Variants in KAZN observed in about 807,000 individuals in gnomAD.
The protein encoded by KAZN is kazrin, periplakin interacting protein.
A neutral mutation model predicts 87.4 loss-of-function variants in KAZN; 40 were observed. The observed-to-expected ratio is 0.46, with a 90% CI of 0.36 to 0.60. KAZN has a LOEUF of 0.60. KAZN is among the 20% of genes least tolerant of loss of function. The pLI, the probability that KAZN is intolerant of heterozygous loss-of-function variation, is 0.00. For synonymous variants in KAZN, 466 were observed against 458.3 expected, an observed-to-expected ratio of 1.02 and a Z score of -0.22; for missense variants, 898 against 1,073.9, an observed-to-expected ratio of 0.84 and a Z score of 2.29.
intron 1 of KAZN, among the ~76,000 whole-genome samples, chr1:14,004,940 G>A (rs886328408): frequency 6.6e-6 from 1 of 152,014 alleles, no homozygotes; most frequent in Non-Finnish European, 1.5e-5. Flanking sequence ...TCAGCCCCTC[G>A]CCACCCGATG....
intron 3 of KAZN, among the ~76,000 whole-genome samples, chr1:15,039,227 T>TCC (rs34582207): frequency 2.0e-5 from 3 of 151,866 alleles, no homozygotes; most frequent in Admixed American, 6.6e-5. Flanking sequence ...TTGTCCCCAT[T>TCC]CCCCCCATTT....
intron 2 of KAZN, among the ~76,000 whole-genome samples, chr1:15,011,317 G>A (rs1219810419): frequency 6.6e-6 from 1 of 152,202 alleles, no homozygotes; most frequent in Non-Finnish European, 1.5e-5. Context: ...AGGGCTCCTG[G>A]CTGGATTGAA....
chr1:14,010,318 T>C (rs908126011), intron 1 of KAZN, among the ~76,000 whole-genome samples: 5 of 152,230 alleles, frequency 3.3e-5, no homozygotes, highest in African/African-American at 9.6e-5. Context: ...GTGTTACAAA[T>C]GATACATCAT....
rs549407813 is a variant in KAZN, at chr1:13,945,262, T to C, written c.91+51506T>C. Among the ~76,000 whole-genome samples, 429 of 151,988 alleles carry C rather than the reference T, an allele frequency of 2.8e-3. 2 individuals carry two copies. Among genetic ancestry groups the C allele is most frequent in the Middle Eastern group, 0.02 (6 of 294 alleles). ...GTCGAGGCAGATGGATCACCTGAGG[T>C]AAGAAGTTCGAGACCAGCCTGGCCA... is the stretch of plus-strand genomic sequence containing the variant. On this transcript the variant is annotated intron_variant, in intron 1 of 16. Transcript: ENST00000636203.
rs1553174046 is a variant in KAZN at position 13,923,588 on chromosome 1, A to AAAAAAAG, written c.91+29836_91+29837insAAGAAAA. Among the ~76,000 whole-genome samples, 7 of 139,876 alleles carry AAAAAAAG rather than the reference A, an allele frequency of 5.0e-5. 1 individual carries two copies. Among genetic ancestry groups the AAAAAAAG allele is most frequent in the African/African-American group, 8.4e-5 (3 of 35,630 alleles). The allele number at this position is 139,876 out of a possible 152,430, so 91.8% of individuals were successfully genotyped here. A position where few individuals can be genotyped will look rare whatever the true frequency, so the allele number is the denominator to read the frequency against. ...ACTCCATCTCAAAAAAAAAAAAAAA[A>AAAAAAAG]AAAATATAATTACTGTTTGTTAAGT... is the stretch of plus-strand genomic sequence containing the variant. On this transcript the variant is annotated intron_variant, in intron 1 of 16. Coordinates refer to the KAZN transcript ENST00000636203.
At chr1:14,306,387 AG>A (rs1410271891) in intron 2 of KAZN, among the ~76,000 whole-genome samples, 14 of 152,190 alleles carry the variant, frequency 9.2e-5, no homozygotes, top group African/African-American at 3.1e-4. Flanking sequence ...CTTACCACTC[AG>A]GGCCAATGTG....
At chr1:14,049,775 TAGTG>T (rs1557432816) in intron 1 of KAZN, among the ~76,000 whole-genome samples, 2 of 152,130 alleles carry the variant, frequency 1.3e-5, no homozygotes, top group African/African-American at 2.4e-5. Context: ...ACTGGGGTGA[TAGTG>T]AGGGAAACCA....
At chr1:14,286,662 G>C (rs1342703817) in intron 2 of KAZN, among the ~76,000 whole-genome samples, 1 of 152,142 alleles carries the variant, frequency 6.6e-6, no homozygotes, top group Non-Finnish European at 1.5e-5. Context: ...CAGCTATGCA[G>C]CTTCCAGAAG....
intron 14 of KAZN, chr1:15,112,753 G>C: frequency 2.0e-6 from 1 of 498,570 alleles, no homozygotes. Flanking sequence ...GCAGGGCTTC[G>C]AGTAGCACCT....
chr1:14,610,303 G>T (rs907995288), intron 1 of KAZN, among the ~76,000 whole-genome samples: 3 of 152,116 alleles, frequency 2.0e-5, no homozygotes, highest in South Asian at 2.1e-4. Context: ...CGCCTCCCGG[G>T]TTCACACCAT....
rs184382792 is a variant in KAZN at position 14,716,170 on chromosome 1, C to T, written c.226+116947C>T. Reference sequence around the variant, plus strand: ...ATATGTGCATGTGTATGTATGTACACGTGTGTGTGTGTGTCAGTGTGTGTG... The same window carrying T: ...ATATGTGCATGTGTATGTATGTACATGTGTGTGTGTGTGTCAGTGTGTGTG... On this transcript the variant is annotated intron_variant, in intron 1 of 14. Coordinates refer to ENST00000376030, the MANE Select transcript of KAZN (RefSeq NM_201628.3). Among the ~76,000 whole-genome samples the T allele has an allele frequency of 7.2e-4, 110 of 151,902 alleles. 2 individuals carry two copies. Among genetic ancestry groups the T allele is most frequent in the Admixed American group, 6.4e-3 (98 of 15,260 alleles).
At position 14,653,655 on chromosome 1, in the gene KAZN, G is replaced by A. The variant is rs148478965; in HGVS notation, c.226+54432G>A. On this transcript the variant is annotated intron_variant, in intron 1 of 14. Coordinates refer to ENST00000376030, the MANE Select transcript of KAZN (RefSeq NM_201628.3). Reference sequence around the variant, plus strand: ...ACACCCGTAGGCCACATCCCTCGGGGTTTTGACCTCTGTTCTCAGGATAAA... The same window carrying A: ...ACACCCGTAGGCCACATCCCTCGGGATTTTGACCTCTGTTCTCAGGATAAA... Among the ~76,000 whole-genome samples, 342 of 152,338 alleles carry A rather than the reference G, an allele frequency of 2.2e-3. 6 individuals carry two copies. The East Asian group carries it at 0.026, about 12-fold the overall frequency.
chr1:14,325,557 G>C (rs1656351716), intron 2 of KAZN, among the ~76,000 whole-genome samples: 1 of 151,950 alleles, frequency 6.6e-6, no homozygotes, highest in Non-Finnish European at 1.5e-5. Flanking sequence ...GAAAAAACAG[G>C]CAAAAGAATA....
At chr1:13,978,684 AT>A (rs919291592) in intron 1 of KAZN, among the ~76,000 whole-genome samples, 19 of 150,816 alleles carry the variant, frequency 1.3e-4, no homozygotes, top group African/African-American at 1.9e-4. Context: ...AAAAATCAGA[AT>A]TTTTTTTTTA....
chr1:14,016,854 G>A (rs935849797), intron 1 of KAZN, among the ~76,000 whole-genome samples: 3 of 152,156 alleles, frequency 2.0e-5, no homozygotes, highest in Admixed American at 6.5e-5. Context: ...TGCTCTTACT[G>A]TATTAAAAAA....
chr1:14,079,267 A>G (rs1272412519), intron 1 of KAZN, among the ~76,000 whole-genome samples: 1 of 152,220 alleles, frequency 6.6e-6, no homozygotes, highest in Non-Finnish European at 1.5e-5. Flanking sequence ...ACGTTTAGAA[A>G]ACAAAGTGCA....
rs907248295 is a variant in KAZN, at chr1:15,117,808, CT to C, written c.*3174del. ...TCGAGGCTCCGGAGGGCTCTTCCTG[CT>C]GTGAAAGGAAAGGAGAAGAAAGCCT... On this transcript the variant is annotated 3_prime_UTR_variant, in exon 15 of 15. Transcript: ENST00000376030. The C allele has an allele frequency of 6.6e-6, 1 of 152,274 alleles. No homozygotes were observed. The highest frequency in any genetic ancestry group is 2.4e-5 in the African/African-American group (1 of 41,464). 9.4% of individuals were successfully genotyped at this position (152,274 alleles called of 1,614,324 possible).
At chr1:13,916,119 C>A (rs993092827) in intron 1 of KAZN, among the ~76,000 whole-genome samples, 43 of 152,148 alleles carry the variant, frequency 2.8e-4, no homozygotes, top group Non-Finnish European at 4.9e-4. Context: ...TCCTGCAGGC[C>A]AGATGTGGTT....
chr1:13,942,888 A>G (rs1398342295), intron 1 of KAZN, among the ~76,000 whole-genome samples: 1 of 152,238 alleles, frequency 6.6e-6, no homozygotes, highest in Non-Finnish European at 1.5e-5. Flanking sequence ...ATTAGACACA[A>G]CAGCAAAGAA....
Sources: gnomAD v4.1 joint callset for allele counts (sites outside exome capture counted in the v4.1 genomes callset) on GRCh38, gnomAD v4.1.1 for gene constraint, MANE v1.5 for transcripts, NCBI Gene and HGNC (gene_info 2026-07-23, HGNC 2026-07-21) for gene names.